The following CSNK1E variants were observed in gnomAD, a reference collection of about 807,000 sequenced individuals.
The protein encoded by CSNK1E is casein kinase I isoform epsilon.
Under a neutral mutation model 46.1 loss-of-function variants are expected in CSNK1E, and 17 were observed. The ratio of observed to expected loss-of-function variants is 0.37; its 90% CI spans 0.25 to 0.55. CSNK1E has a LOEUF of 0.55. CSNK1E is among the 20% of genes least tolerant of loss of function. The probability of loss-of-function intolerance (pLI) is 0.82; values close to 1 mark genes in which losing one functional copy is unlikely to be tolerated. For missense variants in CSNK1E, 386 were observed against 595.4 expected (o/e 0.65, Z 3.66); for synonymous variants, 241 against 242.6 (o/e 0.99, Z 0.06).
chr22:38,302,876 G>A lies in CSNK1E; in HGVS notation c.321C>T (p.Leu107=), dbSNP rs2092680505. The part of the protein sequence containing the change: ...SRKFSLKTVL[L]LADQMISRIE... ...GGGGACTCACCATCTGGTCGGCCAA[G>A]AGCAGCACCGTCTTGAGGCTGAATT... Residue 107 remains leucine (L), a synonymous_variant, in exon 4 of 11, where the codon CTC becomes CTT. Transcript: ENST00000396832. 2 of 1,614,040 alleles carry A rather than the reference G, an allele frequency of 1.2e-6. No individual in the cohort carries two copies. The highest frequency in any genetic ancestry group is 8.5e-7 in the Non-Finnish European group (1 of 1,180,032).
chr22:38,311,173 A>T lies in CSNK1E; in HGVS notation c.76+2909T>A, dbSNP rs569269705. Reference sequence around the variant, plus strand: ...ACAGCACTACTGCTGGGCCCAGCACACGTGGGTATTTTACACGCCACGACC... The same window carrying T: ...ACAGCACTACTGCTGGGCCCAGCACTCGTGGGTATTTTACACGCCACGACC... On this transcript the variant is annotated intron_variant, in intron 2 of 10. Coordinates refer to ENST00000396832, the MANE Select transcript of CSNK1E (RefSeq NM_152221.3). 6.4e-3 allele frequency among the ~76,000 whole-genome samples: 973 copies of T among 152,310 alleles called. 13 individuals are homozygous for T. Among genetic ancestry groups the T allele is most frequent in the African/African-American group, 0.022 (914 of 41,568 alleles).
rs1371700390 is a variant in CSNK1E at position 38,302,909 on chromosome 22, A to G, written c.288T>C (p.Cys96=). The change falls in exon 4 of 11, where the codon TGT becomes TGC. Residue 96 remains cysteine, a synonymous_variant. Transcript: ENST00000396832. ...GPSLEDLFNF[C]SRKFSLKTVL... is the part of the protein sequence containing the mutation. ...CCGTCTTGAGGCTGAATTTGCGGGA[A>G]CAGAAGTTGAACAGGTCCTCGAGGC... The G allele has an allele frequency of 6.2e-7, 1 of 1,614,096 alleles. No homozygotes were observed. The highest frequency in any genetic ancestry group is 1.1e-5 in the South Asian group (1 of 91,078).
At chr22:38,301,626 G>A (rs1009520780) in intron 4 of CSNK1E, among the ~76,000 whole-genome samples, 3 of 152,102 alleles carry the variant, frequency 2.0e-5, no homozygotes, top group Non-Finnish European at 2.9e-5. Context: ...CAGAGATGGC[G>A]TTTCACCATG....
At chr22:38,302,442 C>T (rs2092677665) in intron 4 of CSNK1E, among the ~76,000 whole-genome samples, 1 of 152,188 alleles carries the variant, frequency 6.6e-6, no homozygotes, top group South Asian at 2.1e-4. Flanking sequence ...GGCCTGAAAT[C>T]ACATTTTAAA....
chr22:38,293,967 A>C, intron 9 of CSNK1E, 142 bp downstream of exon 9: 1 of 1,000,996 alleles, frequency 1.0e-6, no homozygotes, highest in Non-Finnish European at 1.4e-6. Flanking sequence ...AATGAGGCCA[A>C]GTCCTGGCTC....
In CSNK1E at chr22:38,300,071, C is replaced by T. The variant is rs1459157546; in HGVS notation, c.566-6G>A. 3.7e-6 allele frequency: 6 copies of T among 1,612,950 alleles called. No homozygotes were observed. The highest frequency in any genetic ancestry group is 1.7e-5 in the Admixed American group (1 of 59,966). ...GTCATCTCGACGGCTTTGCTCTGCA[C>T]AGAGAGTCAAAGACTAGGTGAGGGA... On this transcript the variant is annotated splice_polypyrimidine_tract_variant and splice_region_variant and intron_variant, in intron 5 of 10. Coordinates refer to ENST00000396832, the MANE Select transcript of CSNK1E (RefSeq NM_152221.3). This position sits in a 1 kb window ranked among gnomAD's most constrained non-coding sequence, Gnocchi z 4.4.
intron 2 of CSNK1E, among the ~76,000 whole-genome samples, chr22:38,311,805 C>T (rs956391020): frequency 1.7e-4 from 25 of 147,260 alleles, no homozygotes; most frequent in African/African-American, 6.0e-4. Flanking sequence ...CTTTTCTTTC[C>T]TTCTTTTTTT....
chr22:38,307,317 G>A (rs1164004247), intron 2 of CSNK1E, among the ~76,000 whole-genome samples: 1 of 152,204 alleles, frequency 6.6e-6, no homozygotes, highest in Admixed American at 6.5e-5. Context: ...TTGGGAGGCT[G>A]AGGCAGGCGG....
intron 2 of CSNK1E, among the ~76,000 whole-genome samples, chr22:38,313,671 A>G (rs897038354): frequency 1.3e-5 from 2 of 152,142 alleles, no homozygotes; most frequent in African/African-American, 4.8e-5. Flanking sequence ...CCAGGAGGCC[A>G]GGACATAGAG....
chr22:38,308,367 G>A (rs2092707265), intron 2 of CSNK1E, among the ~76,000 whole-genome samples: 1 of 152,174 alleles, frequency 6.6e-6, no homozygotes, highest in South Asian at 2.1e-4. Context: ...AGGGGACAGT[G>A]AGGATCCTTA....
At position 38,298,571 on chromosome 22, in the gene CSNK1E, A is replaced by G; in HGVS notation, c.885+215T>C. On this transcript the variant is annotated intron_variant, in intron 7 of 10. Coordinates refer to ENST00000396832, the MANE Select transcript of CSNK1E (RefSeq NM_152221.3). The surrounding 1 kb of genome is among the most constrained non-coding windows in gnomAD (Gnocchi z 4.2). ...GATCCTCCTTGTTCCGACGGGAGAC[A>G]GCGCCCTGCCTGGGCCCTGCTGCCC... 3.5e-6 allele frequency: 2 copies of G among 578,068 alleles called. No homozygotes were observed. The highest frequency in any genetic ancestry group is 6.1e-6 in the Non-Finnish European group (2 of 328,166). The allele number at this position is 578,068 out of a possible 1,614,324, so 35.8% of individuals were successfully genotyped here. A position where few individuals can be genotyped will look rare whatever the true frequency, so the allele number is the denominator to read the frequency against.
chr22:38,312,616 G>A (rs1300069485), intron 2 of CSNK1E, among the ~76,000 whole-genome samples: 2 of 152,160 alleles, frequency 1.3e-5, no homozygotes, highest in South Asian at 2.1e-4. Flanking sequence ...GAGCTCCAGG[G>A]TGTCCATAGG....
Position 38,303,999 on chromosome 22 carries a change from C to T in CSNK1E, c.77-751G>A, listed in dbSNP as rs2092687083. On this transcript the variant is annotated intron_variant, in intron 2 of 10. Transcript: ENST00000396832. This position sits in a 1 kb window ranked among gnomAD's most constrained non-coding sequence, Gnocchi z 4.7. Reference sequence around the variant, plus strand: ...AATACCCTCACACACACCAAGGCCCCGCTCTCTGCCTGGGCCCACTGCCCA... The same window carrying T: ...AATACCCTCACACACACCAAGGCCCTGCTCTCTGCCTGGGCCCACTGCCCA... Among the ~76,000 whole-genome samples the T allele has an allele frequency of 6.6e-6, 1 of 152,164 alleles. No homozygotes were observed. Among genetic ancestry groups the T allele is most frequent in the African/African-American group, 2.4e-5 (1 of 41,424 alleles).
intron 2 of CSNK1E, among the ~76,000 whole-genome samples, chr22:38,311,798 T>C (rs1407326889): frequency 6.6e-6 from 1 of 150,744 alleles, no homozygotes; most frequent in Non-Finnish European, 1.5e-5. Context: ...CTCAGCCCTT[T>C]TCTTTCCTTC....
At position 38,298,140 on chromosome 22, in the gene CSNK1E, G is replaced by A; in HGVS notation, c.885+646C>T. The A allele has an allele frequency of 7.7e-7, 1 of 1,296,712 alleles. No homozygotes were observed. The highest frequency in any genetic ancestry group is 1.0e-6 in the Non-Finnish European group (1 of 984,738). The allele number at this position is 1,296,712 out of a possible 1,614,324, so 80.3% of individuals were successfully genotyped here. A position where few individuals can be genotyped will look rare whatever the true frequency, so the allele number is the denominator to read the frequency against. On this transcript the variant is annotated intron_variant, in intron 7 of 10. Transcript: ENST00000396832. This position sits in a 1 kb window ranked among gnomAD's most constrained non-coding sequence, Gnocchi z 4.2. Reference sequence around the variant, plus strand: ...GGCCCAGCACAGGGACAGGGGCGGGGACAGAAAGGTCCCTTCGCTGTCATG... The same window carrying A: ...GGCCCAGCACAGGGACAGGGGCGGGAACAGAAAGGTCCCTTCGCTGTCATG...
rs771808437 is a variant in CSNK1E at position 38,298,850 on chromosome 22, C to T, written c.821G>A (p.Arg274His). 4 of 1,614,130 alleles carry T rather than the reference C, an allele frequency of 2.5e-6. No homozygotes were observed. The highest frequency in any genetic ancestry group is 1.3e-5 in the African/African-American group (1 of 75,048). ...GAAGCCCTGCCGGTGGAAGAGGTTG[C>T]GGAAGAGCTGACGTAGGTAAGAGTA... The part of the protein sequence containing the change: ...PDYSYLRQLF[R>H]NLFHRQGFSY... Residue 274 changes from arginine (R) to histidine (H), a missense_variant, in exon 7 of 11, where the codon CGC becomes CAC. Arg to His is a conservative substitution (Grantham distance 29). Transcript: ENST00000396832. This position sits in a 1 kb window ranked among gnomAD's most constrained non-coding sequence, Gnocchi z 4.2.
intron 10 of CSNK1E, 61 bp downstream of exon 10, chr22:38,293,194 G>A: frequency 7.4e-7 from 1 of 1,346,074 alleles, no homozygotes; most frequent in African/African-American, 1.4e-5. Flanking sequence ...GTCTCTTTCT[G>A]GGGCCCTGGG....
At chr22:38,316,444 G>C (rs1419681102) in intron 1 of CSNK1E, among the ~76,000 whole-genome samples, 3 of 152,158 alleles carry the variant, frequency 2.0e-5, no homozygotes, top group Non-Finnish European at 2.9e-5. Flanking sequence ...TAAGGGAAAA[G>C]TTGGGGAGGG....
At position 38,298,664 on chromosome 22, in the gene CSNK1E, C is replaced by T. The variant is rs1024167111; in HGVS notation, c.885+122G>A. 1.4e-5 allele frequency: 16 copies of T among 1,165,576 alleles called. No homozygotes were observed. The highest frequency in any genetic ancestry group is 2.0e-5 in the Non-Finnish European group (16 of 805,106). The allele number at this position is 1,165,576 out of a possible 1,614,324, so 72.2% of individuals were successfully genotyped here. A position where few individuals can be genotyped will look rare whatever the true frequency, so the allele number is the denominator to read the frequency against. On this transcript the variant is annotated intron_variant, in intron 7 of 10. Transcript: ENST00000396832. The surrounding 1 kb of genome is among the most constrained non-coding windows in gnomAD (Gnocchi z 4.2). Reference sequence around the variant, plus strand: ...TGGGACCCCAGTGAGGTCAACCACACTGTCCAGCTCGTACCTCCCGTCTGT... The same window carrying T: ...TGGGACCCCAGTGAGGTCAACCACATTGTCCAGCTCGTACCTCCCGTCTGT...
Sources: allele counts gnomAD v4.1 joint callset (sites outside exome capture counted in the v4.1 genomes callset), GRCh38; gene constraint gnomAD v4.1.1; non-coding constraint Gnocchi (gnomAD v3.1); transcripts MANE v1.5; gene names NCBI Gene and HGNC (gene_info 2026-07-23, HGNC 2026-07-21).